PDE10A: variants seen among roughly 807,000 people sequenced by gnomAD.
PDE10A encodes the protein cAMP and cAMP-inhibited cGMP 3',5'-cyclic phosphodiesterase 10A.
In PDE10A, 39 loss-of-function variants were observed where a neutral mutation model predicts 97.7. The observed-to-expected ratio is 0.40, with a 90% CI of 0.31 to 0.52. The LOEUF (loss-of-function observed/expected upper bound fraction) is 0.52, where lower values mean the gene tolerates loss of function less well. Ranked by LOEUF, PDE10A falls within the 20% of genes least tolerant of loss-of-function variation. PDE10A has a pLI of 0.56. For missense variants in PDE10A, 731 were observed against 1,047.8 expected (o/e 0.70, Z 4.17); for synonymous variants, 371 against 376.8 (o/e 0.98, Z 0.18).
intron 1 of PDE10A, among the ~76,000 whole-genome samples, chr6:165,681,424 G>GTCTGTGTC: frequency 6.7e-6 from 1 of 149,100 alleles, no homozygotes; most frequent in East Asian, 2.0e-4. Flanking sequence ...GTGTGTGTGT[G>GTCTGTGTC]TGTGTCTGTG....
At chr6:165,752,008 T>C (rs937934128) in intron 1 of PDE10A, among the ~76,000 whole-genome samples, 1 of 151,106 alleles carries the variant, frequency 6.6e-6, no homozygotes, top group African/African-American at 2.4e-5. Context: ...CCAGGCATGG[T>C]GACGGGCACC....
At chr6:165,963,430 G>C (rs1005147435) in intron 1 of PDE10A, among the ~76,000 whole-genome samples, 1 of 152,188 alleles carries the variant, frequency 6.6e-6, no homozygotes, top group South Asian at 2.1e-4. Flanking sequence ...AAAAAGTGGC[G>C]TGAAGGAAGT....
chr6:165,861,770 T>C (rs1780912386), intron 1 of PDE10A, among the ~76,000 whole-genome samples: 1 of 152,046 alleles, frequency 6.6e-6, no homozygotes. Flanking sequence ...TAGAGTTTGA[T>C]GGCAGAGGTG....
intron 2 of PDE10A, among the ~76,000 whole-genome samples, chr6:165,492,803 C>CTTTCACCT (rs1459240064): frequency 1.3e-5 from 2 of 152,126 alleles, no homozygotes; most frequent in Non-Finnish European, 2.9e-5. Context: ...CCACTTTCAC[C>CTTTCACCT]AGTTCTATTC....
intron 10 of PDE10A, among the ~76,000 whole-genome samples, chr6:165,420,468 G>A (rs184404614): frequency 4.9e-4 from 75 of 152,282 alleles, no homozygotes; most frequent in African/African-American, 1.6e-3. Flanking sequence ...GGGCTGAGTC[G>A]TTGGCAAATA....
chr6:165,943,346 G>GAGAA lies in PDE10A; in HGVS notation c.-615+44179_-615+44182dup, dbSNP rs1554343647. On this transcript the variant is annotated intron_variant, in intron 1 of 19. Coordinates refer to the PDE10A transcript ENST00000366882. The stretch of plus-strand genomic sequence containing the variant: ...AAGAAAGAAAAAGAAAGAAAGAAAA[G>GAGAA]AGAAAGAAAGAAAGAGAAAGAAAGA... 5.8e-3 allele frequency among the ~76,000 whole-genome samples: 464 copies of GAGAA among 79,556 alleles called. 41 individuals carry two copies. The highest frequency in any genetic ancestry group is 0.025 in the Middle Eastern group (5 of 198). The allele number at this position is 79,556 out of a possible 152,430, so 52.2% of individuals were successfully genotyped here.
chr6:165,924,799 A>C (rs781576941), intron 1 of PDE10A, among the ~76,000 whole-genome samples: 1 of 152,264 alleles, frequency 6.6e-6, no homozygotes, highest in Non-Finnish European at 1.5e-5. Flanking sequence ...TAAAACATAA[A>C]AGTTATTAGA....
chr6:165,858,953 AAAAC>A (rs1780824430), intron 1 of PDE10A, among the ~76,000 whole-genome samples: 1 of 152,208 alleles, frequency 6.6e-6, no homozygotes, highest in South Asian at 2.1e-4. Context: ...TCACTACTGT[AAAAC>A]AAACAAGCAA....
chr6:165,518,505 G>A (rs981804205), intron 2 of PDE10A, among the ~76,000 whole-genome samples: 2 of 152,156 alleles, frequency 1.3e-5, no homozygotes, highest in African/African-American at 4.8e-5. Flanking sequence ...GTCAGTAGCT[G>A]TCTGGCTTAC....
At chr6:165,520,466 C>CCAAGGGGAGTATG (rs1416568421) in intron 2 of PDE10A, among the ~76,000 whole-genome samples, 2 of 151,980 alleles carry the variant, frequency 1.3e-5, no homozygotes, top group African/African-American at 4.8e-5. Context: ...TGAACAAATT[C>CCAAGGGGAGTATG]CAAGGGGAGT....
intron 1 of PDE10A, among the ~76,000 whole-genome samples, chr6:165,875,118 AG>A (rs1781298182): frequency 6.6e-6 from 1 of 152,210 alleles, no homozygotes; most frequent in African/African-American, 2.4e-5. Context: ...TGCTGGGGAC[AG>A]GTGCCTTGGG....
chr6:165,597,573 A>C (rs1434136626), intron 1 of PDE10A, among the ~76,000 whole-genome samples: 2 of 152,242 alleles, frequency 1.3e-5, no homozygotes, highest in Non-Finnish European at 2.9e-5. Flanking sequence ...AATAAATAGA[A>C]GGAAACACTC....
chr6:165,884,125 A>G (rs1054580248), intron 1 of PDE10A, among the ~76,000 whole-genome samples: 12 of 152,140 alleles, frequency 7.9e-5, no homozygotes, highest in Non-Finnish European at 1.6e-4. Context: ...GGTCACCCAC[A>G]GTCCCAACGG....
chr6:165,394,376 G>A (rs1377045052), intron 15 of PDE10A, among the ~76,000 whole-genome samples: 1 of 152,058 alleles, frequency 6.6e-6, no homozygotes, highest in African/African-American at 2.4e-5. Context: ...CTTCATCCAT[G>A]TCCCTGCAAA....
intron 1 of PDE10A, among the ~76,000 whole-genome samples, chr6:165,730,750 C>CAAAAA (rs778744017): frequency 0.023 from 2,805 of 121,990 alleles, 50 homozygotes; most frequent in Non-Finnish European, 0.032. Context: ...GAGATTCCAC[C>CAAAAA]AAAAAAAAAA....
At chr6:165,825,647 G>C (rs535105509) in intron 1 of PDE10A, among the ~76,000 whole-genome samples, 81 of 152,358 alleles carry the variant, frequency 5.3e-4, no homozygotes, top group African/African-American at 1.8e-3. Context: ...CCCTGGGGAA[G>C]AGAGCAAGAC....
intron 1 of PDE10A, among the ~76,000 whole-genome samples, chr6:165,861,884 G>C (rs191012926): frequency 4.6e-5 from 7 of 152,264 alleles, no homozygotes; most frequent in East Asian, 3.9e-4. Flanking sequence ...AGACAGAAAG[G>C]GTTTTTGCTT....
chr6:165,973,813 A>G (rs1185802922), intron 1 of PDE10A, among the ~76,000 whole-genome samples: 2 of 152,238 alleles, frequency 1.3e-5, no homozygotes, highest in Admixed American at 1.3e-4. Context: ...CTTTTCATGT[A>G]AAGTTTTTTT....
intron 1 of PDE10A, among the ~76,000 whole-genome samples, chr6:165,570,437 A>G (rs1258274121): frequency 6.6e-6 from 1 of 152,206 alleles, no homozygotes; most frequent in Non-Finnish European, 1.5e-5. Flanking sequence ...CCAGGCCGAC[A>G]GTGATATTTT....
Sources: gnomAD v4.1 joint callset for allele counts (sites outside exome capture counted in the v4.1 genomes callset) on GRCh38, gnomAD v4.1.1 for gene constraint, MANE v1.5 for transcripts, NCBI Gene and HGNC (gene_info 2026-07-23, HGNC 2026-07-21) for gene names.